The following SLC30A8 variants were observed in gnomAD, a reference collection of about 807,000 sequenced individuals.
SLC30A8 encodes proton-coupled zinc antiporter SLC30A8.
SLC30A8 carries 27 observed loss-of-function variants against 36.9 expected under a neutral mutation model. The ratio of observed to expected loss-of-function variants is 0.73; its 90% CI spans 0.54 to 1.01. SLC30A8 has a LOEUF of 1.01. Ranked by LOEUF, SLC30A8 falls within the 50% of genes least tolerant of loss-of-function variation. The pLI is 0.00. For missense variants in SLC30A8, 439 were observed against 452.0 expected (o/e 0.97, Z 0.26); for synonymous variants, 164 against 172.4 (o/e 0.95, Z 0.38).
chr8:117,035,603 C>T (rs1354681085), intron 1 of SLC30A8, among the ~76,000 whole-genome samples: 2 of 152,348 alleles, frequency 1.3e-5, no homozygotes, highest in East Asian at 1.9e-4. Context: ...CACAGTTCCA[C>T]GAAGCAGTGC....
In SLC30A8 at chr8:117,172,548, A is replaced by G; in HGVS notation, c.977A>G (p.Asp326Gly). 6.2e-7 allele frequency: 1 copy of G among 1,613,610 alleles called. No individual in the cohort carries two copies. The highest frequency in any genetic ancestry group is 8.5e-7 in the Non-Finnish European group (1 of 1,179,678). ...TCTTTATCAACAGCAGCCAGCCGGG[A>G]CAGCCAAGTGGTTCGGAGAGAAATT... ...SAHVATAASR[D>G]SQVVRREIAK... The change falls in exon 8 of 8, where the codon GAC becomes GGC. Residue 326 changes from aspartate (D) to glycine (G), a missense_variant. Physicochemically the swap from Asp to Gly is moderately conservative, Grantham distance 94 (BLOSUM62 -1). Coordinates refer to ENST00000456015, the MANE Select transcript of SLC30A8 (RefSeq NM_173851.3).
At chr8:117,120,593 A>T (rs1257302116) in intron 2 of SLC30A8, among the ~76,000 whole-genome samples, 1 of 151,926 alleles carries the variant, frequency 6.6e-6, no homozygotes, top group Non-Finnish European at 1.5e-5. Context: ...ACATAAGCTA[A>T]AATGGACTAG....
intron 1 of SLC30A8, among the ~76,000 whole-genome samples, chr8:116,991,306 C>G (rs1815634392): frequency 6.6e-6 from 1 of 151,678 alleles, no homozygotes; most frequent in Non-Finnish European, 1.5e-5. Context: ...CTTCTATTTT[C>G]TTTCTTTTTT....
chr8:117,098,018 T>A (rs1819530861), intron 2 of SLC30A8, among the ~76,000 whole-genome samples: 1 of 131,330 alleles, frequency 7.6e-6, no homozygotes, highest in East Asian at 2.1e-4. Context: ...ATATTTATTT[T>A]AAATAAATAT....
intron 3 of SLC30A8, among the ~76,000 whole-genome samples, chr8:117,157,005 T>C (rs1822524396): frequency 6.6e-6 from 1 of 152,188 alleles, no homozygotes; most frequent in South Asian, 2.1e-4. Context: ...AAGGTCAGAG[T>C]GAGGTGTTAA....
At position 116,958,262 on chromosome 8, in the gene SLC30A8, T is replaced by C. The variant is rs78992104; in HGVS notation, c.-266+7143T>C. 2.8e-3 allele frequency among the ~76,000 whole-genome samples: 424 copies of C among 152,302 alleles called. 1 individual carries two copies. Among genetic ancestry groups the C allele is most frequent in the African/African-American group, 9.6e-3 (401 of 41,556 alleles). On this transcript the variant is annotated intron_variant, in intron 1 of 10. Transcript: ENST00000427715. The stretch of plus-strand genomic sequence containing the variant: ...GGAATGTAGTGGTTATGGCGTTTTC[T>C]AGTGCTCTGCATTGTTTTGTATAGA...
intron 1 of SLC30A8, among the ~76,000 whole-genome samples, chr8:117,139,357 C>T (rs1821530943): frequency 6.6e-6 from 1 of 152,044 alleles, no homozygotes. Flanking sequence ...CACTCTCTCT[C>T]TCTTTTTGGG....
intron 2 of SLC30A8, among the ~76,000 whole-genome samples, chr8:117,092,294 T>C (rs1819167424): frequency 6.6e-6 from 1 of 152,110 alleles, no homozygotes; most frequent in Admixed American, 6.5e-5. Context: ...TTGCATGATA[T>C]AAAGATAAAT....
Position 117,129,666 on chromosome 8 carries a change from A to G in SLC30A8, c.-225-5614A>G, listed in dbSNP as rs138492131. Among the ~76,000 whole-genome samples the G allele has an allele frequency of 4.6e-5, 7 of 152,144 alleles. No homozygotes were observed. The East Asian group carries it at 1.2e-3, about 25-fold the overall frequency. ...GAAAACATTGTAATTGTGTCCTGAT[A>G]TTATTTTTTAACAGTTTAATATGAA... On this transcript the variant is annotated intron_variant, in intron 2 of 10. Coordinates refer to the SLC30A8 transcript ENST00000427715.
At chr8:117,147,197 A>C in intron 2 of SLC30A8, 44 bp downstream of exon 2, 1 of 1,551,080 alleles carries the variant, frequency 6.4e-7, no homozygotes, top group Non-Finnish European at 8.9e-7. Context: ...ACCAAACAAA[A>C]CTCTGCATCA....
At chr8:117,018,266 A>G (rs1351711292) in intron 1 of SLC30A8, 1 of 152,114 alleles carries the variant, frequency 6.6e-6, no homozygotes, top group Non-Finnish European at 1.5e-5. Context: ...AAATACATAC[A>G]TACATACATA....
intron 2 of SLC30A8, among the ~76,000 whole-genome samples, chr8:117,046,428 A>G (rs751075663): frequency 6.6e-6 from 1 of 152,246 alleles, no homozygotes; most frequent in Non-Finnish European, 1.5e-5. Context: ...TTAAGCCCTC[A>G]GTACAAATAT....
At chr8:116,963,257 C>A (rs1814489837) in intron 1 of SLC30A8, among the ~76,000 whole-genome samples, 1 of 152,068 alleles carries the variant, frequency 6.6e-6, no homozygotes, top group African/African-American at 2.4e-5. Flanking sequence ...CTTCCAGAAA[C>A]CTGATAATTG....
intron 1 of SLC30A8, among the ~76,000 whole-genome samples, chr8:116,979,313 G>A (rs1320123889): frequency 1.3e-5 from 2 of 150,186 alleles, no homozygotes; most frequent in African/African-American, 4.9e-5. Context: ...ACTCATTCTA[G>A]GTGTGACTGG....
intron 1 of SLC30A8, among the ~76,000 whole-genome samples, chr8:116,973,563 T>A (rs1814866993): frequency 1.3e-5 from 2 of 152,058 alleles, no homozygotes; most frequent in Admixed American, 1.3e-4. Flanking sequence ...GGAAGAACAT[T>A]CCATGCTCAT....
intron 2 of SLC30A8, among the ~76,000 whole-genome samples, chr8:117,105,393 G>C (rs1370047850): frequency 1.3e-5 from 2 of 151,580 alleles, no homozygotes; most frequent in Non-Finnish European, 2.9e-5. Flanking sequence ...CTACTTCTTG[G>C]TACTAAAATC....
Position 117,172,609 on chromosome 8 carries a change from A to C in SLC30A8, c.1038A>C (p.Ser346=). 6.2e-7 allele frequency: 1 copy of C among 1,613,702 alleles called. No individual in the cohort carries two copies. Among genetic ancestry groups the C allele is most frequent in the Non-Finnish European group, 8.5e-7 (1 of 1,179,710 alleles). The change falls in exon 8 of 8, where the codon TCA becomes TCC. Residue 346 remains serine (S), a synonymous_variant. Coordinates refer to ENST00000456015, the MANE Select transcript of SLC30A8 (RefSeq NM_173851.3). ...KALSKSFTMH[S]LTIQMESPVD... ...TTAGCAAAAGCTTTACGATGCACTC[A>C]CTCACCATTCAGATGGAATCTCCAG...
At chr8:117,108,294 A>G (rs531167148) in intron 2 of SLC30A8, among the ~76,000 whole-genome samples, 46 of 152,336 alleles carry the variant, frequency 3.0e-4, no homozygotes, top group African/African-American at 1.1e-3. Context: ...TTAAGTGGAT[A>G]GATTAAAAAT....
At chr8:117,054,550 A>G (rs185827442) in intron 2 of SLC30A8, among the ~76,000 whole-genome samples, 1 of 152,196 alleles carries the variant, frequency 6.6e-6, no homozygotes, top group Admixed American at 6.5e-5. Flanking sequence ...AGAATACTGA[A>G]ATCCCTGCCT....
Sources: gnomAD v4.1 joint callset for allele counts (sites outside exome capture counted in the v4.1 genomes callset) on GRCh38, gnomAD v4.1.1 for gene constraint, MANE v1.5 for transcripts, NCBI Gene and HGNC (gene_info 2026-07-23, HGNC 2026-07-21) for gene names.